Variants in PIP4K2A observed in about 807,000 individuals in gnomAD.
PIP4K2A encodes phosphatidylinositol 5-phosphate 4-kinase type-2 alpha.
Under a neutral mutation model 42.9 loss-of-function variants are expected in PIP4K2A, and 14 were observed. The ratio of observed to expected loss-of-function variants is 0.33; its 90% CI spans 0.22 to 0.51. The LOEUF (loss-of-function observed/expected upper bound fraction) is 0.51, where lower values mean the gene tolerates loss of function less well. Ranked by LOEUF, PIP4K2A falls within the 20% of genes least tolerant of loss-of-function variation. The probability of loss-of-function intolerance (pLI) is 0.97; values close to 1 mark genes in which losing one functional copy is unlikely to be tolerated. For missense variants in PIP4K2A, 434 were observed against 519.8 expected, an observed-to-expected ratio of 0.83 and a Z score of 1.61; for synonymous variants, 192 against 192.2, an observed-to-expected ratio of 1.00 and a Z score of 0.01.
At chr10:22,685,168 C>A (rs145268891) in intron 1 of PIP4K2A, among the ~76,000 whole-genome samples, 1 of 151,868 alleles carries the variant, frequency 6.6e-6, no homozygotes, top group Non-Finnish European at 1.5e-5. Context: ...ATAAGAAGTA[C>A]AACTTATAAT....
At chr10:22,645,156 C>T (rs545891311) in intron 1 of PIP4K2A, among the ~76,000 whole-genome samples, 1 of 152,326 alleles carries the variant, frequency 6.6e-6, no homozygotes, top group Non-Finnish European at 1.5e-5. Context: ...GTTGAAGCAA[C>T]TCATTTTGAA....
At chr10:22,654,260 T>C (rs1388523290) in intron 1 of PIP4K2A, among the ~76,000 whole-genome samples, 1 of 152,232 alleles carries the variant, frequency 6.6e-6, no homozygotes, top group African/African-American at 2.4e-5. Context: ...ATTATTTTAT[T>C]TCCTCAAGGT....
chr10:22,556,024 G>A lies in PIP4K2A; in HGVS notation c.679-5252C>T, dbSNP rs1028604586. On this transcript the variant is annotated intron_variant, in intron 6 of 9. Coordinates refer to ENST00000376573, the MANE Select transcript of PIP4K2A (RefSeq NM_005028.5). ...CGTGAGCGACAAGCTTTATTTAAAC[G>A]ATGTTTAAAATTTCCTTTGTTTTTA... Among the ~76,000 whole-genome samples the A allele has an allele frequency of 5.3e-5, 8 of 152,124 alleles. No individual in the cohort carries two copies. The East Asian group carries it at 1.5e-3, about 29-fold the overall frequency.
chr10:22,638,089 GCACTAATGATC>G (rs1838706566), intron 1 of PIP4K2A, among the ~76,000 whole-genome samples: 1 of 152,180 alleles, frequency 6.6e-6, no homozygotes, highest in African/African-American at 2.4e-5. Context: ...AGTGGAATTT[GCACTAATGATC>G]CCCAATGGGG....
intron 1 of PIP4K2A, among the ~76,000 whole-genome samples, chr10:22,643,701 G>T (rs535946188): frequency 6.6e-6 from 1 of 152,122 alleles, no homozygotes; most frequent in Non-Finnish European, 1.5e-5. Context: ...TGTCCCCAAG[G>T]ACCACACTTC....
intron 5 of PIP4K2A, among the ~76,000 whole-genome samples, chr10:22,571,143 T>C (rs1836977311): frequency 6.6e-6 from 1 of 152,236 alleles, no homozygotes; most frequent in Admixed American, 6.5e-5. Flanking sequence ...TCGTGACGGT[T>C]TGAGTTATGA....
Position 22,609,721 on chromosome 10 carries a change from G to GA in PIP4K2A, c.145-5dup. The GA allele has an allele frequency of 6.4e-7, 1 of 1,561,330 alleles. No homozygotes were observed. The highest frequency in any genetic ancestry group is 8.8e-7 in the Non-Finnish European group (1 of 1,135,908). ...GAACATGGCTCAGTTCATTGATCTG[G>GA]AAAAATATAAAATAAATAGCATGGG... is the stretch of plus-strand genomic sequence containing the variant. On this transcript the variant is annotated splice_region_variant and splice_polypyrimidine_tract_variant and intron_variant, in intron 1 of 9. Coordinates refer to ENST00000376573, the MANE Select transcript of PIP4K2A (RefSeq NM_005028.5).
intron 1 of PIP4K2A, among the ~76,000 whole-genome samples, chr10:22,668,241 C>T (rs1419652877): frequency 6.6e-6 from 1 of 152,184 alleles, no homozygotes; most frequent in African/African-American, 2.4e-5. Context: ...TGAGCCACCA[C>T]GCCCAATCTT....
chr10:22,580,423 G>A (rs186437793), intron 4 of PIP4K2A, among the ~76,000 whole-genome samples: 1 of 152,080 alleles, frequency 6.6e-6, no homozygotes, highest in African/African-American at 2.4e-5. Flanking sequence ...GCCAAGGCGG[G>A]CGGATTACTT....
intron 7 of PIP4K2A, among the ~76,000 whole-genome samples, chr10:22,550,106 C>G (rs539161297): frequency 6.6e-6 from 1 of 152,102 alleles, no homozygotes; most frequent in East Asian, 1.9e-4. Context: ...CCTAGTATCC[C>G]AAGCTGCCCC....
At chr10:22,561,566 T>G (rs1420507312) in intron 6 of PIP4K2A, among the ~76,000 whole-genome samples, 1 of 1,978 alleles carries the variant, frequency 5.1e-4, no homozygotes, top group Non-Finnish European at 1.0e-3. Context: ...CTCTACGCAG[T>G]TTTTTTTTTT....
At chr10:22,569,434 C>T (rs1836928910) in intron 5 of PIP4K2A, among the ~76,000 whole-genome samples, 1 of 152,204 alleles carries the variant, frequency 6.6e-6, no homozygotes, top group African/African-American at 2.4e-5. Flanking sequence ...ACAGCCATGC[C>T]CAGCAACTGT....
At chr10:22,652,888 GTT>G (rs917367800) in intron 1 of PIP4K2A, among the ~76,000 whole-genome samples, 4 of 152,198 alleles carry the variant, frequency 2.6e-5, no homozygotes, top group African/African-American at 9.7e-5. Context: ...GAGCCCAGTA[GTT>G]TGAGACCAGC....
At chr10:22,633,665 A>T (rs1385818548) in intron 1 of PIP4K2A, among the ~76,000 whole-genome samples, 2 of 152,144 alleles carry the variant, frequency 1.3e-5, no homozygotes, top group African/African-American at 4.8e-5. Context: ...TCTCACCCGG[A>T]CCGTCATTCC....
chr10:22,561,521 T>C (rs1836695514), intron 6 of PIP4K2A, among the ~76,000 whole-genome samples: 1 of 149,776 alleles, frequency 6.7e-6, no homozygotes. Flanking sequence ...AGAATAAGAA[T>C]TGAGATTACT....
rs1835902270 is a variant in PIP4K2A, at chr10:22,535,738, A to G, written c.*1463T>C. The G allele has an allele frequency of 5.3e-6, 1 of 187,560 alleles. No individual in the cohort carries two copies. Among genetic ancestry groups the G allele is most frequent in the Non-Finnish European group, 1.1e-5 (1 of 91,700 alleles). 11.6% of individuals were successfully genotyped at this position (187,560 alleles called of 1,614,324 possible). On this transcript the variant is annotated 3_prime_UTR_variant, in exon 10 of 10. Coordinates refer to ENST00000376573, the MANE Select transcript of PIP4K2A (RefSeq NM_005028.5). Reference sequence around the variant, plus strand: ...CTCAATGCCTTTTGGAAAATGCAGGAGAGTTGGTAGATACATGATCTAGGT... The same window carrying G: ...CTCAATGCCTTTTGGAAAATGCAGGGGAGTTGGTAGATACATGATCTAGGT...
chr10:22,631,371 G>A (rs1168981298), intron 1 of PIP4K2A, among the ~76,000 whole-genome samples: 1 of 152,012 alleles, frequency 6.6e-6, no homozygotes, highest in African/African-American at 2.4e-5. Context: ...GTCCTTTTAA[G>A]TACAGACACC....
intron 1 of PIP4K2A, among the ~76,000 whole-genome samples, chr10:22,636,340 G>A (rs1052855913): frequency 6.6e-6 from 1 of 152,110 alleles, no homozygotes; most frequent in African/African-American, 2.4e-5. Context: ...CCGCCTCAAC[G>A]TCCCAGGCTC....
In PIP4K2A at chr10:22,536,117, G is replaced by A. The variant is rs1303539344; in HGVS notation, c.*1084C>T. ...TAATAATGTAAACAGTAAAACTGAG[G>A]GTTTCAGTTAAAGGGATAATTCGTA... On this transcript the variant is annotated 3_prime_UTR_variant, in exon 10 of 10. Transcript: ENST00000376573. 2 of 398,270 alleles carry A rather than the reference G, an allele frequency of 5.0e-6. No homozygotes were observed. The highest frequency in any genetic ancestry group is 8.8e-6 in the Non-Finnish European group (2 of 226,036). The allele number at this position is 398,270 out of a possible 1,614,324, so 24.7% of individuals were successfully genotyped here. A position where few individuals can be genotyped will look rare whatever the true frequency, so the allele number is the denominator to read the frequency against.
Sources: gnomAD v4.1 joint callset for allele counts (sites outside exome capture counted in the v4.1 genomes callset) on GRCh38, gnomAD v4.1.1 for gene constraint, MANE v1.5 for transcripts, NCBI Gene and HGNC (gene_info 2026-07-23, HGNC 2026-07-21) for gene names.